The following SLC45A2 variants were observed in gnomAD, a reference collection of about 807,000 sequenced individuals.
SLC45A2 encodes the protein solute carrier family 45 member 2, also known as membrane-associated transporter protein.
SLC45A2 carries 36 observed loss-of-function variants against 45.5 expected under a neutral mutation model. The ratio of observed to expected loss-of-function variants is 0.79; its 90% confidence interval spans 0.61 to 1.04. The LOEUF is 1.04. SLC45A2 is among the 50% of genes least tolerant of loss of function. The pLI, the probability that SLC45A2 is intolerant of heterozygous loss-of-function variation, is 0.00. For synonymous variants in SLC45A2, 306 were observed against 269.3 expected, an observed-to-expected ratio of 1.14 and a Z score of -1.33; for missense variants, 719 against 671.0, an observed-to-expected ratio of 1.07 and a Z score of -0.79.
At position 33,947,207 on chromosome 5, in the gene SLC45A2, GCA is replaced by G. The variant is rs1411478607; in HGVS notation, c.1322_1323del (p.Val441AlafsTer3). The G allele has an allele frequency of 1.2e-6, 2 of 1,614,194 alleles. No individual in the cohort carries two copies. Among genetic ancestry groups the G allele is most frequent in the Non-Finnish European group, 1.7e-6 (2 of 1,180,046 alleles). On this transcript the variant is annotated frameshift_variant, in exon 6 of 7. Transcript: ENST00000296589. LOFTEE classifies it high-confidence loss of function. The part of the protein sequence containing the change: ...FGVMSSTLYT[V>X]PFNLITEYHR... ...TGGTACTCAGTAATGAGGTTAAAGGGCACAGTGTACAGGGTGCTGGACATTAC... is the reference window on the plus strand; with the variant it reads ...TGGTACTCAGTAATGAGGTTAAAGGGCAGTGTACAGGGTGCTGGACATTAC...
intron 2 of SLC45A2, among the ~76,000 whole-genome samples, chr5:33,975,943 C>T (rs1011094382): frequency 6.6e-6 from 1 of 152,162 alleles, no homozygotes; most frequent in Admixed American, 6.5e-5. Flanking sequence ...CAAACAAGAG[C>T]TATGGACCCG....
chr5:33,946,767 T>G, intron 6 of SLC45A2: 1 of 1,127,658 alleles, frequency 8.9e-7, no homozygotes, highest in Non-Finnish European at 1.1e-6. Context: ...GAGACCCTTA[T>G]TGTCGGTATC....
In SLC45A2 at chr5:33,951,827, G is replaced by A. The variant is rs138005661; in HGVS notation, c.1033-150C>T. On this transcript the variant is annotated intron_variant, in intron 4 of 6. Coordinates refer to ENST00000296589, the MANE Select transcript of SLC45A2 (RefSeq NM_016180.5). ...GAGCTGATGCTGTCATGACCAAGTC[G>A]CATCCTATCACATCTTCATTCAAGG... 1.0e-3 allele frequency: 913 copies of A among 904,796 alleles called. 5 individuals carry two copies. In the African/African-American group the frequency reaches 0.013, roughly 13 times the overall value. 56.0% of individuals were successfully genotyped at this position (904,796 alleles called of 1,614,324 possible).
chr5:33,955,777 C>A (rs990451159), intron 3 of SLC45A2, among the ~76,000 whole-genome samples: 3 of 152,122 alleles, frequency 2.0e-5, no homozygotes, highest in African/African-American at 7.2e-5. Context: ...CTTGTTATAG[C>A]ATGTCTGAAG....
Position 33,951,575 on chromosome 5 carries a change from C to T in SLC45A2, c.1135G>A (p.Val379Met), listed in dbSNP as rs753809926. The T allele has an allele frequency of 2.9e-5, 47 of 1,614,014 alleles. No homozygotes were observed. Among genetic ancestry groups the T allele is most frequent in the African/African-American group, 6.7e-5 (5 of 74,922 alleles). Residue 379 changes from valine to methionine, a missense_variant, in exon 5 of 7, where the codon GTG becomes ATG. Val to Met is a conservative substitution (Grantham distance 21, BLOSUM62 1). Transcript: ENST00000296589. ...TTACAAGAATAAAGTGAGGAAAACA[C>T]GGAGTTGATGCACAAGCCCCAACAT... ...VGCWGLCINSVFSSLYSYFQK... is the reference protein window; with the variant it reads ...VGCWGLCINSMFSSLYSYFQK...
chr5:33,981,434 T>G (rs1329476577), intron 2 of SLC45A2, among the ~76,000 whole-genome samples: 2 of 152,162 alleles, frequency 1.3e-5, no homozygotes, highest in Non-Finnish European at 2.9e-5. Flanking sequence ...AGGCATTGGC[T>G]GGGCTACAAA....
At chr5:33,957,183 T>C (rs977820027) in intron 3 of SLC45A2, among the ~76,000 whole-genome samples, 27 of 152,302 alleles carry the variant, frequency 1.8e-4, no homozygotes, top group Admixed American at 5.9e-4. Flanking sequence ...CTTGGGAATA[T>C]TAATTGATTA....
intron 2 of SLC45A2, 79 bp from the exon 3 acceptor site, chr5:33,964,095 G>C: frequency 6.9e-7 from 1 of 1,452,504 alleles, no homozygotes; most frequent in East Asian, 2.4e-5. Flanking sequence ...CTCCCCTTCA[G>C]TGGGAAAACT....
At chr5:33,974,034 A>G (rs1432099435) in intron 2 of SLC45A2, among the ~76,000 whole-genome samples, 2 of 152,212 alleles carry the variant, frequency 1.3e-5, no homozygotes, top group Non-Finnish European at 2.9e-5. Flanking sequence ...AAGAAAGCCC[A>G]CTGCTAAGAA....
chr5:33,970,691 T>G (rs1752752496), intron 2 of SLC45A2, among the ~76,000 whole-genome samples: 1 of 152,206 alleles, frequency 6.6e-6, no homozygotes, highest in African/African-American at 2.4e-5. Context: ...AATTAAGATG[T>G]TAAAACTGAA....
intron 5 of SLC45A2, among the ~76,000 whole-genome samples, chr5:33,948,404 GC>G (rs1187161598): frequency 6.6e-6 from 1 of 152,124 alleles, no homozygotes; most frequent in Non-Finnish European, 1.5e-5. Context: ...TCTCTTCCCT[GC>G]CCCATTCTCC....
chr5:33,953,168 C>T (rs1579538245), intron 4 of SLC45A2, among the ~76,000 whole-genome samples: 1 of 149,910 alleles, frequency 6.7e-6, no homozygotes, highest in African/African-American at 2.5e-5. Context: ...GTGCATGTGT[C>T]TTTATAGACA....
chr5:33,960,603 CAG>C (rs992764356), intron 3 of SLC45A2, among the ~76,000 whole-genome samples: 10 of 152,044 alleles, frequency 6.6e-5, no homozygotes, highest in South Asian at 4.2e-4. Context: ...GTTGGGGACT[CAG>C]GGGGTAAGTG....
intron 2 of SLC45A2, among the ~76,000 whole-genome samples, chr5:33,970,355 GA>G (rs1752742540): frequency 1.3e-5 from 2 of 152,244 alleles, no homozygotes; most frequent in African/African-American, 4.8e-5. Flanking sequence ...CCTACATGGA[GA>G]GTTCTTTGGT....
chr5:33,947,405 C>T, intron 5 of SLC45A2, 31 bp from the exon 6 acceptor site: 1 of 1,558,620 alleles, frequency 6.4e-7, no homozygotes, highest in Non-Finnish European at 8.9e-7. Flanking sequence ...GAAATTACAG[C>T]TGGCAGTGCC....
chr5:33,964,273 CT>C (rs956305485), intron 2 of SLC45A2, among the ~76,000 whole-genome samples: 1 of 152,234 alleles, frequency 6.6e-6, no homozygotes, highest in African/African-American at 2.4e-5. Context: ...AAAGAGTAAC[CT>C]ACTAGTAGGG....
At chr5:33,977,630 T>C (rs1752967844) in intron 2 of SLC45A2, among the ~76,000 whole-genome samples, 1 of 152,190 alleles carries the variant, frequency 6.6e-6, no homozygotes, top group Non-Finnish European at 1.5e-5. Context: ...AAGGAAGGGC[T>C]GGCTCCTTCA....
rs200817017 is a variant in SLC45A2 at position 33,982,326 on chromosome 5, A to C, written c.472T>G (p.Phe158Val). Residue 158 changes from phenylalanine to valine, a missense_variant, in exon 2 of 7, where the codon TTC becomes GTC. Phe to Val is a conservative substitution (Grantham distance 50, BLOSUM62 -1). Coordinates refer to ENST00000296589, the MANE Select transcript of SLC45A2 (RefSeq NM_016180.5). ...TAGGCTTTGATGGGCCCATCAATGA[A>C]GTCGGCAGCAAAATCAAAGAGAACG... Reference protein sequence around the residue: ...GVVLFDFAADFIDGPIKAYLF... With the variant: ...GVVLFDFAADVIDGPIKAYLF... The C allele has an allele frequency of 6.2e-7, 1 of 1,614,192 alleles. No individual in the cohort carries two copies. Among genetic ancestry groups the C allele is most frequent in the East Asian group, 2.2e-5 (1 of 44,880 alleles).
intron 3 of SLC45A2, among the ~76,000 whole-genome samples, chr5:33,955,979 T>C (rs1395492751): frequency 6.6e-6 from 1 of 152,136 alleles, no homozygotes; most frequent in Non-Finnish European, 1.5e-5. Context: ...AATCAGCAGT[T>C]TACAAATGGA....
Sources: gnomAD v4.1 joint callset for allele counts (sites outside exome capture counted in the v4.1 genomes callset) on GRCh38, gnomAD v4.1.1 for gene constraint, MANE v1.5 for transcripts, NCBI Gene and HGNC (gene_info 2026-07-23, HGNC 2026-07-21) for gene names.